PTPRT: variants seen among roughly 807,000 people sequenced by gnomAD.
PTPRT encodes protein tyrosine phosphatase receptor type T.
PTPRT carries 56 observed loss-of-function variants against 176.8 expected under a neutral mutation model. The observed-to-expected ratio is 0.32, with a 90% CI of 0.26 to 0.40. The LOEUF (loss-of-function observed/expected upper bound fraction) is 0.40. Ranked by LOEUF, PTPRT falls within the 10% of genes least tolerant of loss-of-function variation. The pLI, the probability that PTPRT is intolerant of heterozygous loss-of-function variation, is 1.00. For missense variants in PTPRT, 1,540 were observed against 1,908.2 expected, an observed-to-expected ratio of 0.81 and a Z score of 3.60; for synonymous variants, 783 against 739.0, an observed-to-expected ratio of 1.06 and a Z score of -0.96.
intron 16 of PTPRT, among the ~76,000 whole-genome samples, chr20:42,171,366 A>G (rs1432145446): frequency 6.6e-6 from 1 of 152,254 alleles, no homozygotes; most frequent in African/African-American, 2.4e-5. Context: ...TAATGCTTAA[A>G]GAGAAATCAG....
At position 42,756,543 on chromosome 20, in the gene PTPRT, G is replaced by C; in HGVS notation, c.778C>G (p.Arg260Gly). 6.2e-7 allele frequency: 1 copy of C among 1,612,926 alleles called. No homozygotes were observed. Among genetic ancestry groups the C allele is most frequent in the Non-Finnish European group, 8.5e-7 (1 of 1,179,180 alleles). The change falls in exon 6 of 31, where the codon CGG becomes GGG. Residue 260 changes from arginine (R) to glycine (G), a missense_variant. By Grantham distance (125) the Arg-to-Gly change is moderately radical (BLOSUM62 -2). Transcript: ENST00000373187. ...ACACAGCGGTACTTGCTGACGCTCC[G>C]CTGGGCAGTGTCTGCCACACTGACT... is the stretch of plus-strand genomic sequence containing the variant. Reference protein sequence around the residue: ...ATVSVADTAQRSVSKYRCVIR... With the variant: ...ATVSVADTAQGSVSKYRCVIR...
At chr20:42,773,214 C>A (rs558845176) in intron 4 of PTPRT, among the ~76,000 whole-genome samples, 3 of 152,110 alleles carry the variant, frequency 2.0e-5, no homozygotes, top group Non-Finnish European at 4.4e-5. Context: ...TTGATTTGAA[C>A]TATTTTGTCT....
chr20:42,437,140 A>C (rs1385565124), intron 9 of PTPRT, among the ~76,000 whole-genome samples: 1 of 152,238 alleles, frequency 6.6e-6, no homozygotes, highest in Non-Finnish European at 1.5e-5. Context: ...AGGTGTTGTC[A>C]GCATTCTGGT....
chr20:42,511,813 G>A (rs6030296), intron 7 of PTPRT, among the ~76,000 whole-genome samples: 126 of 151,674 alleles, frequency 8.3e-4, no homozygotes, highest in African/African-American at 2.9e-3. Flanking sequence ...TTGCAGACTC[G>A]CCTCCTGCTT....
At chr20:42,120,635 T>C (rs917369841) in intron 19 of PTPRT, among the ~76,000 whole-genome samples, 4 of 152,162 alleles carry the variant, frequency 2.6e-5, no homozygotes, top group East Asian at 1.9e-4. Flanking sequence ...TGTACTCTGG[T>C]TGGGGAGTAC....
At chr20:42,751,680 C>T (rs552660812) in intron 6 of PTPRT, among the ~76,000 whole-genome samples, 9 of 152,264 alleles carry the variant, frequency 5.9e-5, no homozygotes, top group East Asian at 3.9e-4. Flanking sequence ...TTCCTGCCTT[C>T]GTCTTCCTCC....
In PTPRT at chr20:42,977,878, C is replaced by A. The variant is rs755001798; in HGVS notation, c.89-91946G>T. On this transcript the variant is annotated intron_variant, in intron 1 of 30. Transcript: ENST00000373187. The stretch of plus-strand genomic sequence containing the variant: ...TTTATGTGCATCTCTAATTGTTTCC[C>A]TAAACTAATAAATTCGTGGGAATGG... Among the ~76,000 whole-genome samples, 17 of 152,324 alleles carry A rather than the reference C, an allele frequency of 1.1e-4. No homozygotes were observed. The South Asian group carries it at 1.4e-3, about 13-fold the overall frequency.
chr20:42,628,289 A>C (rs2074333708), intron 7 of PTPRT, among the ~76,000 whole-genome samples: 1 of 152,122 alleles, frequency 6.6e-6, no homozygotes, highest in South Asian at 2.1e-4. Flanking sequence ...GACAGCAGAG[A>C]AGCTTTCAAC....
At chr20:43,142,220 C>T (rs748841040) in intron 1 of PTPRT, among the ~76,000 whole-genome samples, 2 of 152,174 alleles carry the variant, frequency 1.3e-5, no homozygotes, top group Non-Finnish European at 1.5e-5. Context: ...ACGTTCTAAA[C>T]GGACTTGAAT....
At position 43,184,579 on chromosome 20, in the gene PTPRT, C is replaced by T. The variant is rs527500419; in HGVS notation, c.88+5067G>A. Among the ~76,000 whole-genome samples, 31 of 151,976 alleles carry T rather than the reference C, an allele frequency of 2.0e-4. 1 individual carries two copies. In the South Asian group the frequency reaches 3.8e-3, roughly 18 times the overall value. On this transcript the variant is annotated intron_variant, in intron 1 of 30. Coordinates refer to ENST00000373187, the MANE Select transcript of PTPRT (RefSeq NM_007050.6). ...GCGTGCACCTATGGTCCCAGCTATT[C>T]GGGAGGCTGAGGGAGGAGAATTGCT...
intron 7 of PTPRT, among the ~76,000 whole-genome samples, chr20:42,633,670 C>A (rs112490346): frequency 6.8e-6 from 1 of 146,066 alleles, no homozygotes. Flanking sequence ...CCTGTAATCC[C>A]AGCTACTCTG....
At chr20:42,627,849 G>A (rs1318087661) in intron 7 of PTPRT, among the ~76,000 whole-genome samples, 1 of 152,066 alleles carries the variant, frequency 6.6e-6, no homozygotes, top group Non-Finnish European at 1.5e-5. Flanking sequence ...GCTCCAGTGT[G>A]AGCCGCTGCA....
In PTPRT at chr20:43,069,260, G is replaced by A. The variant is rs115248810; in HGVS notation, c.88+120386C>T. Among the ~76,000 whole-genome samples, 476 of 152,242 alleles carry A rather than the reference G, an allele frequency of 3.1e-3. 4 individuals are homozygous for A. The highest frequency in any genetic ancestry group is 0.011 in the African/African-American group (441 of 41,550). On this transcript the variant is annotated intron_variant, in intron 1 of 30. Transcript: ENST00000373187. ...TATGCTTGGGTCCCTCGGTTAACGC[G>A]CGCATCCAGCTGGGACACTTCGTAG... is the stretch of plus-strand genomic sequence containing the variant.
chr20:42,734,814 G>T (rs1158379592), intron 6 of PTPRT, among the ~76,000 whole-genome samples: 2 of 152,162 alleles, frequency 1.3e-5, no homozygotes, highest in Non-Finnish European at 2.9e-5. Context: ...AGTGACGGAT[G>T]GCAGCAGGCA....
intron 7 of PTPRT, among the ~76,000 whole-genome samples, chr20:42,638,753 T>C (rs1471446242): frequency 6.6e-6 from 1 of 152,196 alleles, no homozygotes; most frequent in African/African-American, 2.4e-5. Context: ...TGTCTAAACA[T>C]TTTTGCTTAA....
chr20:42,050,179 G>A, the PTPRT span, among the ~76,000 whole-genome samples: 13 of 152,172 alleles, frequency 8.5e-5, no homozygotes, highest in Admixed American at 6.5e-5. Flanking sequence ...TTGTGAGTGG[G>A]AGGGAAATCT....
At chr20:42,998,719 T>C (rs1984364463) in intron 1 of PTPRT, among the ~76,000 whole-genome samples, 1 of 152,232 alleles carries the variant, frequency 6.6e-6, no homozygotes, top group Non-Finnish European at 1.5e-5. Flanking sequence ...CAGTCTTATT[T>C]AAGAATAAAG....
rs574955968 is a variant in PTPRT at position 42,263,678 on chromosome 20, C to CTTT, written c.2177-14859_2177-14857dup. The stretch of plus-strand genomic sequence containing the variant: ...ATAGACATGAGCCACTGCGCCGGGC[C>CTTT]TTTTTTTTTTTTTTTAACTTTACTT... On this transcript the variant is annotated intron_variant, in intron 13 of 30. Coordinates refer to ENST00000373187, the MANE Select transcript of PTPRT (RefSeq NM_007050.6). Among the ~76,000 whole-genome samples, 246 of 138,446 alleles carry CTTT rather than the reference C, an allele frequency of 1.8e-3. 1 individual carries two copies. The highest frequency in any genetic ancestry group is 6.1e-3 in the African/African-American group (229 of 37,616). The allele number at this position is 138,446 out of a possible 152,430, so 90.8% of individuals were successfully genotyped here. A position where few individuals can be genotyped will look rare whatever the true frequency, so the allele number is the denominator to read the frequency against.
At chr20:43,188,242 A>G (rs1424976987) in intron 1 of PTPRT, among the ~76,000 whole-genome samples, 7 of 152,142 alleles carry the variant, frequency 4.6e-5, no homozygotes, top group African/African-American at 1.7e-4. Flanking sequence ...CACCATCTTT[A>G]GAATGGTGCT....
Sources: gnomAD v4.1 joint callset for allele counts (sites outside exome capture counted in the v4.1 genomes callset) on GRCh38, gnomAD v4.1.1 for gene constraint, MANE v1.5 for transcripts, NCBI Gene and HGNC (gene_info 2026-07-23, HGNC 2026-07-21) for gene names.